EPN2: variants seen among roughly 807,000 people sequenced by gnomAD.
EPN2 encodes epsin-2.
In EPN2, 34 loss-of-function variants were observed where a neutral mutation model predicts 61.7. The ratio of observed to expected loss-of-function variants is 0.55; its 90% CI spans 0.42 to 0.73. The LOEUF (loss-of-function observed/expected upper bound fraction) is 0.73. EPN2 is among the 30% of genes least tolerant of loss of function. The pLI is 0.00. For missense variants in EPN2, 714 were observed against 839.2 expected (o/e 0.85, Z 1.84); for synonymous variants, 349 against 353.6 (o/e 0.99, Z 0.15).
intron 7 of EPN2, among the ~76,000 whole-genome samples, chr17:19,326,376 T>A (rs984186627): frequency 1.1e-4 from 17 of 152,032 alleles, no homozygotes; most frequent in Non-Finnish European, 2.1e-4. Context: ...CATAACACTG[T>A]TTGTGAGGAT....
At chr17:19,311,051 C>A (rs1009994791) in intron 5 of EPN2, among the ~76,000 whole-genome samples, 1 of 152,166 alleles carries the variant, frequency 6.6e-6, no homozygotes, top group African/African-American at 2.4e-5. Context: ...TTCCTCTCCT[C>A]TATTAGAAGT....
intron 7 of EPN2, among the ~76,000 whole-genome samples, chr17:19,325,194 A>G (rs951650336): frequency 1.3e-5 from 2 of 152,254 alleles, no homozygotes; most frequent in Non-Finnish European, 2.9e-5. Flanking sequence ...TCCCACTTTC[A>G]TACAAACTCC....
At chr17:19,296,038 A>AAGCTTAGTCC (rs547838525) in intron 4 of EPN2, among the ~76,000 whole-genome samples, 15 of 152,294 alleles carry the variant, frequency 9.8e-5, no homozygotes, top group East Asian at 5.8e-4. Context: ...TGCTAATGGA[A>AAGCTTAGTCC]AGCTTAGTCC....
intron 7 of EPN2, 72 bp downstream of exon 7, chr17:19,313,351 G>A: frequency 7.1e-7 from 1 of 1,408,418 alleles, no homozygotes; most frequent in Non-Finnish European, 9.5e-7. Flanking sequence ...GCTTCTTGCT[G>A]TCTCTCACCC....
At chr17:19,277,054 C>T (rs936982329) in intron 1 of EPN2, among the ~76,000 whole-genome samples, 1 of 151,996 alleles carries the variant, frequency 6.6e-6, no homozygotes, top group African/African-American at 2.4e-5. Context: ...GAAAGTGGAG[C>T]GTGCAAACTA....
chr17:19,331,792 G>A (rs1195288364), intron 9 of EPN2, 61 bp from the exon 10 acceptor site: 2 of 1,447,152 alleles, frequency 1.4e-6, no homozygotes, highest in East Asian at 4.5e-5. Flanking sequence ...TTTGTGTTAA[G>A]TACACAGTCT....
Position 19,283,556 on chromosome 17 carries a change from A to G in EPN2, c.437A>G (p.Gln146Arg), listed in dbSNP as rs1231135881. 1 of 1,614,256 alleles carries G rather than the reference A, an allele frequency of 6.2e-7. No homozygotes were observed. Among genetic ancestry groups the G allele is most frequent in the South Asian group, 1.1e-5 (1 of 91,082 alleles). The change falls in exon 3 of 11, where the codon CAG (glutamine) becomes CGG (arginine). Residue 146 changes from glutamine (Q) to arginine (R), a missense_variant. Gln to Arg is a conservative substitution (Grantham distance 43). Around this residue, in one of 2 missense-constraint regions of EPN2, gnomAD observed 304 missense variants for 417.4 expected, o/e 0.73. Coordinates refer to ENST00000314728, the MANE Select transcript of EPN2 (RefSeq NM_014964.5). The surrounding 1 kb of genome is among the most constrained non-coding windows in gnomAD (Gnocchi z 7.0). ...GAACGGTTGAAGGCTGAGAGGGCCC[A>G]GGCTCTCAAAACCAAAGAGCGCATG... ...DEERLKAERA[Q>R]ALKTKERMAQ...
chr17:19,288,493 T>C (rs141057533), intron 4 of EPN2, among the ~76,000 whole-genome samples: 3 of 152,216 alleles, frequency 2.0e-5, no homozygotes, highest in Non-Finnish European at 4.4e-5. Context: ...GATCAAGGAT[T>C]GAAGGAGTGT....
chr17:19,271,498 G>A (rs1030522719), intron 1 of EPN2: 3 of 152,300 alleles, frequency 2.0e-5, no homozygotes, highest in African/African-American at 7.2e-5. Flanking sequence ...GGATGAAGGA[G>A]CTCATCCTTT....
chr17:19,328,735 A>G lies in EPN2; in HGVS notation c.1172A>G (p.Asp391Gly). ...GGTACCAAGCCAGCTGCCTCCATTG[A>G]CCCATGGGGGGTGCCCACTGGAGCC... ...SFGTKPAASI[D>G]PWGVPTGATV... The change falls in exon 8 of 11, where the codon GAC (aspartate) becomes GGC (glycine). Residue 391 changes from aspartate (D) to glycine (G), a missense_variant. Coordinates refer to ENST00000314728, the MANE Select transcript of EPN2 (RefSeq NM_014964.5). The G allele has an allele frequency of 6.2e-7, 1 of 1,610,628 alleles. No homozygotes were observed. The highest frequency in any genetic ancestry group is 8.5e-7 in the Non-Finnish European group (1 of 1,178,148).
chr17:19,260,291 G>T (rs963483436), intron 1 of EPN2, among the ~76,000 whole-genome samples: 14 of 152,246 alleles, frequency 9.2e-5, no homozygotes, highest in Admixed American at 5.9e-4. Context: ...GGGCCAGGAG[G>T]AAGGAAACCC....
chr17:19,262,337 G>C (rs2045150577), intron 1 of EPN2, among the ~76,000 whole-genome samples: 1 of 151,922 alleles, frequency 6.6e-6, no homozygotes, highest in South Asian at 2.1e-4. Context: ...AATTAGCTGG[G>C]TGTAGTGGCA....
chr17:19,241,760 T>G (rs750532233), intron 1 of EPN2, among the ~76,000 whole-genome samples: 5 of 152,238 alleles, frequency 3.3e-5, no homozygotes, highest in Non-Finnish European at 5.9e-5. Flanking sequence ...CACTGTAATT[T>G]CCATCAACAT....
Position 19,258,724 on chromosome 17 carries a change from C to T in EPN2, c.-294+21193C>T, listed in dbSNP as rs997964285. ...CTGGGGGCCCTTGGCGTCGATGCTG[C>T]GTGTGGACAGCGCGGTTTGTGAGAC... On this transcript the variant is annotated intron_variant, in intron 1 of 10. Transcript: ENST00000314728. Among the ~76,000 whole-genome samples the T allele has an allele frequency of 2.3e-4, 35 of 152,176 alleles. 1 individual carries two copies. Among genetic ancestry groups the T allele is most frequent in the Admixed American group, 2.1e-3 (32 of 15,274 alleles).
rs1432497852 is a variant in EPN2, at chr17:19,313,233, C to G, written c.1101C>G (p.Gly367=). 2 of 1,590,744 alleles carry G rather than the reference C, an allele frequency of 1.3e-6. No individual in the cohort carries two copies. The highest frequency in any genetic ancestry group is 1.4e-5 in the African/African-American group (1 of 73,370). ...SASTNQTNPW[G]GPAAPASTSD... ...CCACTAACCAGACCAACCCCTGGGG[C>G]GGGCCAGCGGCTCCTGCGAGTACTT... Residue 367 remains glycine (G), a synonymous_variant, in exon 7 of 11, where the codon GGC becomes GGG. Transcript: ENST00000314728.
intron 1 of EPN2, among the ~76,000 whole-genome samples, chr17:19,262,629 T>A (rs1477220217): frequency 6.6e-6 from 1 of 151,110 alleles, no homozygotes; most frequent in South Asian, 2.2e-4. Context: ...TCATTTCCCC[T>A]CCCATTCTCT....
intron 10 of EPN2, among the ~76,000 whole-genome samples, chr17:19,332,777 C>T (rs145617352): frequency 5.3e-5 from 8 of 152,342 alleles, no homozygotes; most frequent in African/African-American, 1.9e-4. Context: ...TCCTTTGACA[C>T]CTAGCTCAGA....
chr17:19,333,036 C>T (rs1386796459), intron 10 of EPN2, among the ~76,000 whole-genome samples: 2 of 152,342 alleles, frequency 1.3e-5, no homozygotes, highest in East Asian at 1.9e-4. Context: ...GTTACTGGGT[C>T]CTGGCCAACC....
intron 1 of EPN2, among the ~76,000 whole-genome samples, chr17:19,255,115 G>GT (rs2045059837): frequency 6.6e-6 from 1 of 152,206 alleles, no homozygotes; most frequent in South Asian, 2.1e-4. Flanking sequence ...GAGAGATGCA[G>GT]TAAGAAGTAG....
Sources: allele counts gnomAD v4.1 joint callset (sites outside exome capture counted in the v4.1 genomes callset), GRCh38; gene constraint gnomAD v4.1.1; regional missense constraint gnomAD v4.1.1; non-coding constraint Gnocchi (gnomAD v3.1); transcripts MANE v1.5; gene names NCBI Gene and HGNC (gene_info 2026-07-23, HGNC 2026-07-21).